The following IL4 variants were observed in gnomAD, a reference collection of about 807,000 sequenced individuals.
The protein encoded by IL4 is interleukin 4, also known as interleukin-4.
In IL4, 10 loss-of-function variants were observed where a neutral mutation model predicts 17.4. The observed-to-expected ratio is 0.57, with a 90% CI of 0.35 to 0.97. The LOEUF (loss-of-function observed/expected upper bound fraction) is 0.97. Among genes scored for constraint, IL4 ranks in the 50% least tolerant of loss-of-function variants. The pLI, the probability that IL4 is intolerant of heterozygous loss-of-function variation, is 0.01. For synonymous variants in IL4, 87 were observed against 79.0 expected (o/e 1.10, Z -0.54); for missense variants, 174 against 187.7 (o/e 0.93, Z 0.43).
At chr5:132,675,849 A>ATGTGTGTG (rs58175446) in intron 2 of IL4, among the ~76,000 whole-genome samples, 4,619 of 144,980 alleles carry the variant, frequency 0.032, 113 homozygotes, top group African/African-American at 0.036. Context: ...GCAACAGTTT[A>ATGTGTGTG]TGTGTGTGTG....
chr5:132,677,631 T>C (rs1752405119), intron 2 of IL4: 1 of 152,246 alleles, frequency 6.6e-6, no homozygotes, highest in African/African-American at 2.4e-5. Flanking sequence ...GAGGGTTTTT[T>C]CCTATACTAT....
intron 3 of IL4, 58 bp downstream of exon 3, chr5:132,679,948 T>A: frequency 6.9e-7 from 1 of 1,450,554 alleles, no homozygotes; most frequent in Non-Finnish European, 9.4e-7. Context: ...GACAGCAGCC[T>A]CACTTCTAAA....
At chr5:132,681,857 CTT>C (rs1309367033) in intron 3 of IL4, among the ~76,000 whole-genome samples, 1 of 152,200 alleles carries the variant, frequency 6.6e-6, no homozygotes, top group African/African-American at 2.4e-5. Flanking sequence ...CATGTTCTCT[CTT>C]TTAATTCTCT....
intron 3 of IL4, 77 bp from the exon 4 acceptor site, chr5:132,682,409 C>A: frequency 1.2e-6 from 1 of 863,200 alleles, no homozygotes; most frequent in South Asian, 1.4e-5. Flanking sequence ...ACAAGTGCCA[C>A]AGTAGGCTTG....
chr5:132,674,275 G>A, intron 1 of IL4, 90 bp downstream of exon 1: 2 of 1,492,896 alleles, frequency 1.3e-6, no homozygotes, highest in African/African-American at 1.4e-5. Context: ...TGCTAGAGAA[G>A]TTGGAACTGG....
In IL4 at chr5:132,674,203, AC is replaced by A. The variant is rs1208525809; in HGVS notation, c.135+20del. ...AGCAGAAGGTGAGTACCTATCTGGC[AC>A]CATCTCTCCAGATGTTCTGGTGATG... is the stretch of plus-strand genomic sequence containing the variant. On this transcript the variant is annotated intron_variant, in intron 1 of 3. Transcript: ENST00000231449. The A allele has an allele frequency of 3.1e-6, 5 of 1,612,036 alleles. No homozygotes were observed. The highest frequency in any genetic ancestry group is 4.2e-6 in the Non-Finnish European group (5 of 1,178,184).
intron 2 of IL4, chr5:132,677,654 G>A (rs907828930): frequency 2.6e-5 from 4 of 151,958 alleles, no homozygotes; most frequent in Non-Finnish European, 4.4e-5. Flanking sequence ...GGCCATATAC[G>A]GGTCAAAATT....
chr5:132,682,492 T>G lies in IL4; in HGVS notation c.367T>G (p.Cys123Gly). Residue 123 changes from cysteine (C) to glycine (G), a missense_variant, in exon 4 of 4, where the codon TGT (cysteine) becomes GGT (glycine). Cys to Gly is a radical substitution (Grantham distance 159, BLOSUM62 -3). Transcript: ENST00000231449. ...TGAAATGTTTCTTTTGCAGAATTCC[T>G]GTCCTGTGAAGGAAGCCAACCAGAG... ...NLWGLAGLNS[C>G]PVKEANQSTL... is the part of the protein sequence containing the mutation. 6.3e-7 allele frequency: 1 copy of G among 1,591,682 alleles called. No individual in the cohort carries two copies. Among genetic ancestry groups the G allele is most frequent in the Non-Finnish European group, 8.6e-7 (1 of 1,160,568 alleles).
intron 2 of IL4, among the ~76,000 whole-genome samples, chr5:132,676,683 T>G (rs1343677395): frequency 1.3e-5 from 2 of 152,240 alleles, no homozygotes; most frequent in Non-Finnish European, 2.9e-5. Flanking sequence ...CACTGCTTAC[T>G]TACATGTTAA....
In IL4 at chr5:132,675,532, T is replaced by C. The variant is rs965234811; in HGVS notation, c.183+1026T>C. On this transcript the variant is annotated intron_variant, in intron 2 of 3. Transcript: ENST00000231449. ...CCCGGGAGTCCGATACAGGATGAGA[T>C]TCTGAAGGGCAAATACACACTTTTT... Among the ~76,000 whole-genome samples the C allele has an allele frequency of 2.7e-5, 4 of 149,752 alleles. No homozygotes were observed. In the Admixed American group the frequency reaches 2.7e-4, roughly 10 times the overall value.
At chr5:132,676,436 A>C (rs1005001728) in intron 2 of IL4, among the ~76,000 whole-genome samples, 1 of 152,174 alleles carries the variant, frequency 6.6e-6, no homozygotes, top group African/African-American at 2.4e-5. Context: ...GGGGCAATCC[A>C]TCTGGGCTGT....
intron 2 of IL4, among the ~76,000 whole-genome samples, chr5:132,678,289 G>A (rs1030303886): frequency 4.6e-5 from 7 of 151,654 alleles, no homozygotes; most frequent in Admixed American, 3.3e-4. Context: ...TAATACCACC[G>A]AAGGGCTTAG....
At chr5:132,679,168 G>A (rs1354461407) in intron 2 of IL4, among the ~76,000 whole-genome samples, 1 of 152,220 alleles carries the variant, frequency 6.6e-6, no homozygotes, top group African/African-American at 2.4e-5. Flanking sequence ...CTCCCATGGG[G>A]AGAGCCACAC....
rs1301186504 is a variant in IL4 at position 132,675,857 on chromosome 5, G to GTA, written c.183+1352_183+1353insAT. The stretch of plus-strand genomic sequence containing the variant: ...CACCTGGGCAACAGTTTATGTGTGT[G>GTA]TGTGTGTGTGTGTGTGTGTGTATAT... On this transcript the variant is annotated intron_variant, in intron 2 of 3. Transcript: ENST00000231449. 6.0e-3 allele frequency among the ~76,000 whole-genome samples: 815 copies of GTA among 135,534 alleles called. 5 individuals are homozygous for GTA. Among genetic ancestry groups the GTA allele is most frequent in the African/African-American group, 0.026 (752 of 29,436 alleles). The allele number at this position is 135,534 out of a possible 152,430, so 88.9% of individuals were successfully genotyped here. A position where few individuals can be genotyped will look rare whatever the true frequency, so the allele number is the denominator to read the frequency against.
In IL4 at chr5:132,679,776, CCAT is replaced by C. The variant is rs777575672; in HGVS notation, c.247_249del (p.His83del). 1.5e-5 allele frequency: 25 copies of C among 1,614,024 alleles called. No individual in the cohort carries two copies. Among genetic ancestry groups the C allele is most frequent in the Non-Finnish European group, 4.2e-6 (5 of 1,180,010 alleles). ...CTGTGCTCCGGCAGTTCTACAGCCA[CCAT>C]GAGAAGGACACTCGCTGCCTGGGTG... On this transcript the variant is annotated inframe_deletion, in exon 3 of 4. Transcript: ENST00000231449.
intron 2 of IL4, among the ~76,000 whole-genome samples, chr5:132,678,361 C>T (rs1234688490): frequency 6.6e-6 from 1 of 152,158 alleles, no homozygotes; most frequent in Non-Finnish European, 1.5e-5. Context: ...CAGTTGACCC[C>T]TATTTTAAAA....
In IL4 at chr5:132,676,413, G is replaced by A. The variant is rs572048973; in HGVS notation, c.183+1907G>A. ...GGGTTGGAAAGGATCAAACCATCCA[G>A]GATGCCGAGTCTGGGGCAATCCATC... On this transcript the variant is annotated intron_variant, in intron 2 of 3. Transcript: ENST00000231449. 1.1e-4 allele frequency among the ~76,000 whole-genome samples: 16 copies of A among 152,314 alleles called. No individual in the cohort carries two copies. In the East Asian group the frequency reaches 2.1e-3, roughly 20 times the overall value.
rs201066941 is a variant in IL4 at position 132,674,107 on chromosome 5, C to T, written c.57C>T (p.Gly19=). The change falls in exon 1 of 4, where the codon GGC becomes GGT. Residue 19 remains glycine (G), a synonymous_variant. Coordinates refer to ENST00000231449, the MANE Select transcript of IL4 (RefSeq NM_000589.4). ...PPLFFLLACA[G]NFVHGHKCDI... is the part of the protein sequence containing the mutation. ...TGTTCTTCCTGCTAGCATGTGCCGG[C>T]AACTTTGTCCACGGACACAAGTGCG... The T allele has an allele frequency of 1.2e-6, 2 of 1,614,102 alleles. No individual in the cohort carries two copies. The highest frequency in any genetic ancestry group is 1.7e-6 in the Non-Finnish European group (2 of 1,179,970).
Position 132,679,856 on chromosome 5 carries a change from G to A in IL4, c.326G>A (p.Arg109Gln), listed in dbSNP as rs79908535. ...RHKQLIRFLK[R>Q]LDRNLWGLAG... Reference sequence around the variant, plus strand: ...AAGCAGCTGATCCGATTCCTGAAACGGCTCGACAGGAACCTCTGGGGCCTG... The same window carrying A: ...AAGCAGCTGATCCGATTCCTGAAACAGCTCGACAGGAACCTCTGGGGCCTG... Residue 109 changes from arginine (R) to glutamine (Q), a missense_variant, in exon 3 of 4, where the codon CGG becomes CAG. By Grantham distance (43) the Arg-to-Gln change is conservative. Transcript: ENST00000231449. 164 of 1,613,658 alleles carry A rather than the reference G, an allele frequency of 1.0e-4. 1 individual carries two copies. The highest frequency in any genetic ancestry group is 3.7e-4 in the African/African-American group (28 of 75,016).
Sources: allele counts gnomAD v4.1 joint callset (sites outside exome capture counted in the v4.1 genomes callset), GRCh38; gene constraint gnomAD v4.1.1; transcripts MANE v1.5; gene names NCBI Gene and HGNC (gene_info 2026-07-23, HGNC 2026-07-21).